The following GPRC5D variants were observed in gnomAD, a reference collection of about 807,000 sequenced individuals.
GPRC5D encodes G protein-coupled receptor class C group 5 member D.
GPRC5D carries 20 observed loss-of-function variants against 29.3 expected under a neutral mutation model. That is an observed-to-expected ratio of 0.68 (90% CI 0.48 to 0.99). The LOEUF is 0.99. GPRC5D is among the 50% of genes least tolerant of loss of function. The probability of loss-of-function intolerance (pLI) is 0.00; values close to 1 mark genes in which losing one functional copy is unlikely to be tolerated. For synonymous variants in GPRC5D, 178 were observed against 171.3 expected (o/e 1.04, Z -0.30); for missense variants, 384 against 423.6 (o/e 0.91, Z 0.82).
intron 1 of GPRC5D, among the ~76,000 whole-genome samples, chr12:12,943,511 A>G (rs1317914655): frequency 6.6e-6 from 1 of 152,216 alleles, no homozygotes; most frequent in Non-Finnish European, 1.5e-5. Context: ...ATTATGTAAA[A>G]TGTTATATAA....
downstream of GPRC5D, chr12:12,940,770 T>C: frequency 6.4e-7 from 1 of 1,574,664 alleles, no homozygotes; most frequent in Non-Finnish European, 8.7e-7. Flanking sequence ...GTGTTTCCTG[T>C]AGATTTATAC....
upstream of GPRC5D, among the ~76,000 whole-genome samples, chr12:12,951,307 C>T (rs1481350152): frequency 6.6e-6 from 1 of 152,180 alleles, no homozygotes; most frequent in African/African-American, 2.4e-5. Context: ...TCCTAGGACA[C>T]TGTCAAGAGC....
At chr12:12,951,039 G>T (rs1028956770), upstream of GPRC5D, among the ~76,000 whole-genome samples, 1 of 151,996 alleles carries the variant, frequency 6.6e-6, no homozygotes, top group Non-Finnish European at 1.5e-5. Flanking sequence ...GAACCCAGGA[G>T]GCAGAGGTTG....
At chr12:12,940,943 G>T in intron 2 of GPRC5D, 94 bp from the exon 4 acceptor site, 5 of 808,528 alleles carry the variant, frequency 6.2e-6, no homozygotes, top group Non-Finnish European at 1.1e-5. Flanking sequence ...ACAGAGTCTT[G>T]CTCTGTCACC....
At chr12:12,945,808 A>G (rs984781511) in intron 1 of GPRC5D, among the ~76,000 whole-genome samples, 2 of 152,226 alleles carry the variant, frequency 1.3e-5, no homozygotes, top group East Asian at 3.8e-4. Context: ...TTAAATTTCA[A>G]TCAAATGCTG....
chr12:12,949,302 A>C lies in GPRC5D; in HGVS notation c.895+188T>G, dbSNP rs139419403. 1.9e-3 allele frequency among the ~76,000 whole-genome samples: 293 copies of C among 152,270 alleles called. 2 individuals are homozygous for C. Among genetic ancestry groups the C allele is most frequent in the African/African-American group, 6.7e-3 (278 of 41,534 alleles). ...CCATAAAGCTCTATGCTTTGGAAGAACTCATTTTTCATAAAAATTTAACCT... is the reference window on the plus strand; with the variant it reads ...CCATAAAGCTCTATGCTTTGGAAGACCTCATTTTTCATAAAAATTTAACCT... On this transcript the variant is annotated intron_variant, in intron 1 of 2. Coordinates refer to ENST00000228887, the Ensembl canonical transcript of GPRC5D.
At chr12:12,942,327 G>A (rs760802306) in exon 2 of GPRC5D, 6 of 1,609,788 alleles carry the variant, frequency 3.7e-6, no homozygotes, top group African/African-American at 2.7e-5. Context: ...CACTGTCTCG[G>A]GCTGAAAGCC....
At chr12:12,943,151 A>G (rs953642898) in intron 1 of GPRC5D, among the ~76,000 whole-genome samples, 6 of 152,326 alleles carry the variant, frequency 3.9e-5, no homozygotes, top group South Asian at 4.1e-4. Context: ...AGACGATTCT[A>G]TATTGTTGTA....
Position 12,946,295 on chromosome 12 carries a change from C to T in GPRC5D, c.895+3195G>A, listed in dbSNP as rs56353341. Among the ~76,000 whole-genome samples, 353 of 54,060 alleles carry T rather than the reference C, an allele frequency of 6.5e-3. 1 individual carries two copies. The highest frequency in any genetic ancestry group is 9.5e-3 in the East Asian group (15 of 1,574). The allele number at this position is 54,060 out of a possible 152,430, so 35.5% of individuals were successfully genotyped here. ...TCCTTCCTTCCTTCCTTCCTTTCTTCCTTCCTTCCTTCCTTTTCTTTCTTT... is the reference window on the plus strand; with the variant it reads ...TCCTTCCTTCCTTCCTTCCTTTCTTTCTTCCTTCCTTCCTTTTCTTTCTTT... On this transcript the variant is annotated intron_variant, in intron 1 of 2. Coordinates refer to ENST00000228887, the Ensembl canonical transcript of GPRC5D.
chr12:12,947,804 G>T (rs1013980397), intron 1 of GPRC5D, among the ~76,000 whole-genome samples: 4 of 152,100 alleles, frequency 2.6e-5, no homozygotes, highest in Non-Finnish European at 5.9e-5. Flanking sequence ...TGGTCCAGCC[G>T]CCTCGGCCTC....
chr12:12,945,738 A>G lies in GPRC5D; in HGVS notation c.896-3410T>C, dbSNP rs542214678. On this transcript the variant is annotated intron_variant, in intron 1 of 2. Coordinates refer to ENST00000228887, the Ensembl canonical transcript of GPRC5D. ...TTTAATTGCTTCATTTCATGTACACAAATTCTTTACCCTAATCTTTTTGTT... is the reference window on the plus strand; with the variant it reads ...TTTAATTGCTTCATTTCATGTACACGAATTCTTTACCCTAATCTTTTTGTT... 4.6e-5 allele frequency among the ~76,000 whole-genome samples: 7 copies of G among 152,322 alleles called. No individual in the cohort carries two copies. In the East Asian group the frequency reaches 1.3e-3, roughly 29 times the overall value.
At chr12:12,950,220 G>A in exon 1 of GPRC5D, 1 of 1,613,958 alleles carries the variant, frequency 6.2e-7, no homozygotes, top group Non-Finnish European at 8.5e-7. Flanking sequence ...CATTCCACTG[G>A]CTGCAGTCTT....
At chr12:12,946,222 C>T (rs992222931) in intron 1 of GPRC5D, among the ~76,000 whole-genome samples, 10 of 152,138 alleles carry the variant, frequency 6.6e-5, no homozygotes, top group Non-Finnish European at 1.0e-4. Flanking sequence ...ACAACCGCCT[C>T]TTGGGGAGAG....
At chr12:12,949,375 C>T in intron 1 of GPRC5D, 115 bp downstream of exon 2, 1 of 874,402 alleles carries the variant, frequency 1.1e-6, no homozygotes, top group Admixed American at 2.4e-5. Context: ...AAGCCACCCA[C>T]CCCAAATCTG....
intron 2 of GPRC5D, among the ~76,000 whole-genome samples, chr12:12,941,736 C>G (rs1305201522): frequency 6.6e-6 from 1 of 152,156 alleles, no homozygotes; most frequent in African/African-American, 2.4e-5. Context: ...CTGTTTTTGC[C>G]TGAAAGGATT....
chr12:12,946,618 C>A (rs796790588), intron 1 of GPRC5D, among the ~76,000 whole-genome samples: 11 of 151,866 alleles, frequency 7.2e-5, no homozygotes, highest in African/African-American at 2.7e-4. Context: ...CCATGCCCAA[C>A]TAATTTTTGT....
At chr12:12,940,894 G>T (rs1863128739) in intron 2 of GPRC5D, 45 bp from the exon 4 acceptor site, 2 of 1,216,314 alleles carry the variant, frequency 1.6e-6, no homozygotes, top group Admixed American at 3.4e-5. Context: ...AGCAACAAAA[G>T]AAATGATATT....
upstream of GPRC5D, among the ~76,000 whole-genome samples, chr12:12,951,526 C>T (rs1298806756): frequency 1.3e-5 from 2 of 152,222 alleles, no homozygotes. Context: ...TTGGCTTCAT[C>T]CTGCTGGGAA....
At chr12:12,948,437 C>G (rs1863408351) in intron 1 of GPRC5D, 1 of 154,314 alleles carries the variant, frequency 6.5e-6, no homozygotes, top group Non-Finnish European at 1.5e-5. Flanking sequence ...CAACTAGCCA[C>G]AGATTACAGC....
Sources: allele counts gnomAD v4.1 joint callset (sites outside exome capture counted in the v4.1 genomes callset), GRCh38; gene constraint gnomAD v4.1.1; transcripts MANE v1.5; gene names NCBI Gene and HGNC (gene_info 2026-07-23, HGNC 2026-07-21).